SLC9A9: variants seen among roughly 807,000 people sequenced by gnomAD.
SLC9A9 encodes sodium/hydrogen exchanger 9.
SLC9A9 carries 62 observed loss-of-function variants against 77.8 expected under a neutral mutation model. The observed-to-expected ratio is 0.80, with a 90% CI of 0.65 to 0.98. SLC9A9 has a LOEUF of 0.98. Ranked by LOEUF, SLC9A9 falls within the 50% of genes least tolerant of loss-of-function variation. SLC9A9 has a pLI of 0.00. For synonymous variants in SLC9A9, 320 were observed against 283.5 expected, an observed-to-expected ratio of 1.13 and a Z score of -1.29; for missense variants, 775 against 774.9, an observed-to-expected ratio of 1.00 and a Z score of 0.00.
At chr3:143,530,387 C>T (rs888701189) in intron 9 of SLC9A9, among the ~76,000 whole-genome samples, 1 of 152,094 alleles carries the variant, frequency 6.6e-6, no homozygotes, top group Admixed American at 6.6e-5. Flanking sequence ...AAACCCCTTT[C>T]GCTTGGCTAT....
chr3:143,594,034 T>TG (rs1418119051), intron 6 of SLC9A9, among the ~76,000 whole-genome samples: 1 of 152,168 alleles, frequency 6.6e-6, no homozygotes, highest in Non-Finnish European at 1.5e-5. Context: ...AGGAGGGTAT[T>TG]GGTTCTGTTA....
chr3:143,603,631 T>C (rs1303921199), intron 6 of SLC9A9, among the ~76,000 whole-genome samples: 2 of 152,226 alleles, frequency 1.3e-5, no homozygotes, highest in Admixed American at 1.3e-4. Context: ...GCTATAATCC[T>C]GGCCAACAGC....
At chr3:143,687,623 G>A (rs534691975) in intron 5 of SLC9A9, among the ~76,000 whole-genome samples, 2 of 151,958 alleles carry the variant, frequency 1.3e-5, no homozygotes, top group African/African-American at 2.4e-5. Flanking sequence ...ATAAAAGATT[G>A]TTTTAAAATA....
chr3:143,359,186 T>C (rs1043278594), intron 14 of SLC9A9, among the ~76,000 whole-genome samples: 2 of 152,230 alleles, frequency 1.3e-5, no homozygotes, highest in Non-Finnish European at 2.9e-5. Flanking sequence ...AAAATATTGC[T>C]TGCTTGCTTA....
intron 14 of SLC9A9, among the ~76,000 whole-genome samples, chr3:143,317,029 C>T (rs1377679530): frequency 6.6e-6 from 1 of 152,120 alleles, no homozygotes. Context: ...GTGCTAGGAA[C>T]AGGGCCTGAA....
intron 9 of SLC9A9, among the ~76,000 whole-genome samples, chr3:143,520,234 T>A (rs953423753): frequency 6.6e-6 from 1 of 152,182 alleles, no homozygotes; most frequent in Admixed American, 6.5e-5. Context: ...ATCCCTACTG[T>A]GATGGTATTC....
At chr3:143,570,180 C>CA in intron 8 of SLC9A9, among the ~76,000 whole-genome samples, 1 of 151,886 alleles carries the variant, frequency 6.6e-6, no homozygotes, top group Non-Finnish European at 1.5e-5. Flanking sequence ...AAACAGTTAA[C>CA]AACAACAAAA....
At chr3:143,404,178 CTT>C (rs57688016) in intron 12 of SLC9A9, among the ~76,000 whole-genome samples, 8 of 142,646 alleles carry the variant, frequency 5.6e-5, no homozygotes, top group Non-Finnish European at 7.6e-5. Context: ...TTTCTTTTTT[CTT>C]TTTTTTTTTT....
At chr3:143,839,194 G>A (rs2009645148) in intron 1 of SLC9A9, among the ~76,000 whole-genome samples, 2 of 152,018 alleles carry the variant, frequency 1.3e-5, no homozygotes, top group Admixed American at 1.3e-4. Flanking sequence ...GAAACTATAG[G>A]TCTTGCTAAA....
At chr3:143,513,655 G>C (rs938899024) in intron 9 of SLC9A9, among the ~76,000 whole-genome samples, 4 of 152,138 alleles carry the variant, frequency 2.6e-5, no homozygotes, top group Non-Finnish European at 5.9e-5. Context: ...ACTTTCCATG[G>C]CAGCTATAGC....
intron 5 of SLC9A9, among the ~76,000 whole-genome samples, chr3:143,679,194 G>A (rs912643746): frequency 6.6e-6 from 1 of 152,194 alleles, no homozygotes; most frequent in African/African-American, 2.4e-5. Flanking sequence ...TTTCCATGGA[G>A]TAATCATTGC....
intron 9 of SLC9A9, 142 bp from the exon 10 acceptor site, chr3:143,495,590 G>A: frequency 3.1e-6 from 2 of 644,430 alleles, no homozygotes; most frequent in South Asian, 3.5e-5. Flanking sequence ...AGCCTCTGAA[G>A]GAGGATGGAG....
chr3:143,338,412 CA>C (rs2031989754), intron 14 of SLC9A9, among the ~76,000 whole-genome samples: 1 of 152,128 alleles, frequency 6.6e-6, no homozygotes, highest in Non-Finnish European at 1.5e-5. Flanking sequence ...TTATATTTAA[CA>C]AACACCTTCA....
intron 8 of SLC9A9, among the ~76,000 whole-genome samples, chr3:143,554,903 C>G (rs1050556291): frequency 2.0e-5 from 3 of 152,216 alleles, no homozygotes; most frequent in African/African-American, 7.2e-5. Flanking sequence ...TCTTCTCCAT[C>G]CACTCTGTAC....
chr3:143,317,759 G>A (rs150641094), intron 14 of SLC9A9, among the ~76,000 whole-genome samples: 4,692 of 151,856 alleles, frequency 0.031, 116 homozygotes, highest in African/African-American at 0.068. Context: ...ACAGAGTCTC[G>A]CTCTGTCACC....
intron 15 of SLC9A9, among the ~76,000 whole-genome samples, chr3:143,267,345 C>CTTTTTTTTTTT (rs749407002): frequency 1.8e-5 from 2 of 113,630 alleles, no homozygotes; most frequent in African/African-American, 3.8e-5. Context: ...GTTATTGCTA[C>CTTTTTTTTTTT]TTTTTTTTTT....
intron 14 of SLC9A9, among the ~76,000 whole-genome samples, chr3:143,308,862 G>A (rs2030913490): frequency 6.6e-6 from 1 of 152,128 alleles, no homozygotes; most frequent in African/African-American, 2.4e-5. Flanking sequence ...CTTCCAGAAA[G>A]ACACCTGAAT....
intron 14 of SLC9A9, among the ~76,000 whole-genome samples, chr3:143,337,567 T>C (rs796265355): frequency 8.5e-5 from 13 of 152,330 alleles, no homozygotes; most frequent in African/African-American, 3.1e-4. Flanking sequence ...CCTGATGACC[T>C]GCTGTAGCAG....
chr3:143,625,688 T>C (rs1192487942), intron 6 of SLC9A9, among the ~76,000 whole-genome samples: 1 of 152,178 alleles, frequency 6.6e-6, no homozygotes, highest in Admixed American at 6.6e-5. Flanking sequence ...GCAATACCAT[T>C]CAGGACATAA....
Sources: allele counts gnomAD v4.1 joint callset (sites outside exome capture counted in the v4.1 genomes callset), GRCh38; gene constraint gnomAD v4.1.1; transcripts MANE v1.5; gene names NCBI Gene and HGNC (gene_info 2026-07-23, HGNC 2026-07-21).